The following ANKRD11 variants were observed in gnomAD, a reference collection of about 807,000 sequenced individuals.
ANKRD11 encodes the protein ankyrin repeat domain 11.
Under a neutral mutation model 195.7 loss-of-function variants are expected in ANKRD11, and 17 were observed. The ratio of observed to expected loss-of-function variants is 0.09; its 90% CI spans 0.06 to 0.13. The LOEUF (loss-of-function observed/expected upper bound fraction) is 0.13, where lower values mean the gene tolerates loss of function less well. Among genes scored for constraint, ANKRD11 ranks in the 10% least tolerant of loss-of-function variants. ANKRD11 has a pLI of 1.00. For missense variants in ANKRD11, 3,735 were observed against 3,566.1 expected (o/e 1.05, Z -1.21); for synonymous variants, 1,953 against 1,528.1 (o/e 1.28, Z -6.49).
rs540896388 is a variant in ANKRD11 at position 89,286,926 on chromosome 16, T to C, written c.745-740A>G. ...AAAGAATCTGTCATAACGTTTACTA[T>C]AGACTCTTGTCGCCCACAGAATCAG... On this transcript the variant is annotated intron_variant, in intron 7 of 12. Coordinates refer to ENST00000301030, the MANE Select transcript of ANKRD11 (RefSeq NM_013275.6). The C allele has an allele frequency of 2.6e-4, 339 of 1,289,700 alleles. 5 individuals carry two copies. The South Asian group carries it at 3.6e-3, about 14-fold the overall frequency. The allele number at this position is 1,289,700 out of a possible 1,614,324, so 79.9% of individuals were successfully genotyped here.
At chr16:89,424,853 G>A (rs1371249458) in intron 1 of ANKRD11, among the ~76,000 whole-genome samples, 2 of 152,170 alleles carry the variant, frequency 1.3e-5, no homozygotes, top group East Asian at 3.9e-4. Flanking sequence ...TGGTGAACAC[G>A]CACAGAACTC....
At chr16:89,323,011 T>C (rs560573741) in intron 2 of ANKRD11, 2 of 305,470 alleles carry the variant, frequency 6.5e-6, no homozygotes, top group East Asian at 2.1e-4. Context: ...GCCCGGCTAA[T>C]TTCTGTACTT....
In ANKRD11 at chr16:89,282,546, G is replaced by A; in HGVS notation, c.3996C>T (p.Asp1332=). The A allele has an allele frequency of 6.2e-7, 1 of 1,614,004 alleles. No homozygotes were observed. The highest frequency in any genetic ancestry group is 8.5e-7 in the Non-Finnish European group (1 of 1,179,966). ...EVSFTEPPGD[D]KPRESACLPE... Reference sequence around the variant, plus strand: ...GGAGGCAGGCGCTCTCCCTCGGCTTGTCGTCTCCAGGTGGCTCCGTGAAAG... The same window carrying A: ...GGAGGCAGGCGCTCTCCCTCGGCTTATCGTCTCCAGGTGGCTCCGTGAAAG... Residue 1332 remains aspartate, a synonymous_variant, in exon 9 of 13, where the codon GAC becomes GAT. Coordinates refer to ENST00000301030, the MANE Select transcript of ANKRD11 (RefSeq NM_013275.6).
intron 4 of ANKRD11, chr16:89,301,396 G>C (rs550795508): frequency 2.5e-6 from 1 of 396,472 alleles, no homozygotes; most frequent in African/African-American, 2.1e-5. Context: ...TTTTTAAACT[G>C]AGACCACCCT....
chr16:89,413,441 C>T (rs921279375), intron 2 of ANKRD11, among the ~76,000 whole-genome samples: 1 of 152,002 alleles, frequency 6.6e-6, no homozygotes, highest in African/African-American at 2.4e-5. Context: ...CTAGCTAACA[C>T]GAGGAAACCC....
intron 2 of ANKRD11, among the ~76,000 whole-genome samples, chr16:89,411,902 C>T (rs368206289): frequency 1.3e-5 from 2 of 151,602 alleles, no homozygotes; most frequent in East Asian, 3.9e-4. Flanking sequence ...TCCATCCCTC[C>T]CCTCAGCCAG....
intron 1 of ANKRD11, among the ~76,000 whole-genome samples, chr16:89,483,623 G>A (rs964231893): frequency 6.6e-6 from 1 of 152,166 alleles, no homozygotes; most frequent in Non-Finnish European, 1.5e-5. Flanking sequence ...GAGGTCGGGA[G>A]TTTGAGACCA....
rs1046532679 is a variant in ANKRD11 at position 89,410,090 on chromosome 16, C to T, written c.-60+8194G>A. On this transcript the variant is annotated intron_variant, in intron 2 of 12. Transcript: ENST00000301030. ...TCCTGACCTCGTGATCCGCCCGCCTCGGCCTCCCAAAGTGCTGGGATTACA... is the reference window on the plus strand; with the variant it reads ...TCCTGACCTCGTGATCCGCCCGCCTTGGCCTCCCAAAGTGCTGGGATTACA... Among the ~76,000 whole-genome samples the T allele has an allele frequency of 3.9e-5, 6 of 152,190 alleles. No homozygotes were observed. In the East Asian group the frequency reaches 5.8e-4, roughly 15 times the overall value.
intron 2 of ANKRD11, among the ~76,000 whole-genome samples, chr16:89,377,117 TC>T (rs1334023590): frequency 2.0e-5 from 3 of 152,114 alleles, no homozygotes; most frequent in Non-Finnish European, 4.4e-5. Context: ...ATGCCCTTGG[TC>T]CCCCAGAACC....
At position 89,280,179 on chromosome 16, in the gene ANKRD11, C is replaced by T. The variant is rs780839842; in HGVS notation, c.6363G>A (p.Ala2121=). 6.2e-6 allele frequency: 10 copies of T among 1,609,034 alleles called. No homozygotes were observed. Among genetic ancestry groups the T allele is most frequent in the Admixed American group, 3.3e-5 (2 of 59,788 alleles). Reference sequence around the variant, plus strand: ...CGTCCTCGGGGCCGGCGAAGGCGTCCGCCCAGGGCACCGGCTCCACCTGGC... The same window carrying T: ...CGTCCTCGGGGCCGGCGAAGGCGTCTGCCCAGGGCACCGGCTCCACCTGGC... ...HLGQVEPVPW[A]DAFAGPEDDL... The change falls in exon 9 of 13, where the codon GCG becomes GCA. Residue 2121 remains alanine, a synonymous_variant. Transcript: ENST00000301030.
intron 2 of ANKRD11, among the ~76,000 whole-genome samples, chr16:89,351,865 C>A (rs767878452): frequency 1.3e-5 from 2 of 152,182 alleles, no homozygotes; most frequent in Non-Finnish European, 1.5e-5. Flanking sequence ...TTGAACTGTG[C>A]GCTTTATCTG....
chr16:89,488,249 G>A (rs572993189), intron 1 of ANKRD11, among the ~76,000 whole-genome samples: 1 of 152,220 alleles, frequency 6.6e-6, no homozygotes, highest in South Asian at 2.1e-4. Flanking sequence ...CAGAGAAAAC[G>A]TCACAGCAAC....
intron 1 of ANKRD11, among the ~76,000 whole-genome samples, chr16:89,447,393 G>A (rs1362081820): frequency 6.6e-6 from 1 of 152,106 alleles, no homozygotes; most frequent in Non-Finnish European, 1.5e-5. Context: ...AGGTGCCAAA[G>A]AAACATCACA....
chr16:89,288,774 G>C (rs1597478138), intron 6 of ANKRD11, 104 bp from the exon 7 acceptor site: 2 of 1,543,568 alleles, frequency 1.3e-6, no homozygotes, highest in African/African-American at 2.7e-5. Flanking sequence ...GGACAAGCCA[G>C]GTGGGGAGCT....
intron 2 of ANKRD11, chr16:89,323,277 G>A (rs1410451361): frequency 1.6e-6 from 2 of 1,287,950 alleles, no homozygotes; most frequent in Admixed American, 4.6e-5. Context: ...CAGGCCTACT[G>A]TGTGCAAAGC....
At chr16:89,360,603 C>G (rs139832539) in intron 2 of ANKRD11, 1 of 152,290 alleles carries the variant, frequency 6.6e-6, no homozygotes, top group East Asian at 1.9e-4. Flanking sequence ...TCGGGAATGA[C>G]AGCATTCTAG....
At chr16:89,470,133 C>A (rs1236468684) in intron 1 of ANKRD11, among the ~76,000 whole-genome samples, 1 of 151,758 alleles carries the variant, frequency 6.6e-6, no homozygotes, top group Non-Finnish European at 1.5e-5. Flanking sequence ...GTCTCCGTGT[C>A]CTGAACTTGT....
At chr16:89,415,529 G>C (rs1199748492) in intron 2 of ANKRD11, among the ~76,000 whole-genome samples, 2 of 151,772 alleles carry the variant, frequency 1.3e-5, no homozygotes, top group South Asian at 4.2e-4. Context: ...CTCCCAAAGT[G>C]CTGGGATTAC....
intron 2 of ANKRD11, among the ~76,000 whole-genome samples, chr16:89,408,511 C>T (rs2041996724): frequency 6.6e-6 from 1 of 152,264 alleles, no homozygotes. Context: ...TGCTCTGGCA[C>T]ACCGCAGGCC....
Sources: gnomAD v4.1 joint callset for allele counts (sites outside exome capture counted in the v4.1 genomes callset) on GRCh38, gnomAD v4.1.1 for gene constraint, MANE v1.5 for transcripts, NCBI Gene and HGNC (gene_info 2026-07-23, HGNC 2026-07-21) for gene names.